MPHOSPH9: variants seen among roughly 807,000 people sequenced by gnomAD.
The protein encoded by MPHOSPH9 is M-phase phosphoprotein 9.
A neutral mutation model predicts 145.5 loss-of-function variants in MPHOSPH9; 88 were observed. The ratio of observed to expected loss-of-function variants is 0.60; its 90% CI spans 0.51 to 0.72. The LOEUF (loss-of-function observed/expected upper bound fraction) is 0.72. MPHOSPH9 is among the 30% of genes least tolerant of loss of function. The probability of loss-of-function intolerance (pLI) is 0.00; values close to 1 mark genes in which losing one functional copy is unlikely to be tolerated. For synonymous variants in MPHOSPH9, 435 were observed against 486.2 expected (o/e 0.89, Z 1.39); for missense variants, 1,238 against 1,386.6 (o/e 0.89, Z 1.70).
rs58570201 is a variant in MPHOSPH9 at position 123,199,228 on chromosome 12, C to A, written c.1938-894G>T. Among the ~76,000 whole-genome samples the A allele has an allele frequency of 6.5e-3, 983 of 152,096 alleles. 14 individuals carry two copies. Among genetic ancestry groups the A allele is most frequent in the African/African-American group, 0.022 (927 of 41,526 alleles). ...TCTCAAACTCCTGGACTCATGCGAT[C>A]CAATTTACTTTTCATATTATGACCT... On this transcript the variant is annotated intron_variant, in intron 11 of 23. Transcript: ENST00000606320.
chr12:123,162,781 G>A (rs2044162546), intron 20 of MPHOSPH9: 1 of 403,852 alleles, frequency 2.5e-6, no homozygotes, highest in East Asian at 4.0e-5. Context: ...AAGCTGACAG[G>A]GGTGCTGAGG....
chr12:123,181,976 A>C (rs185814909), intron 13 of MPHOSPH9, among the ~76,000 whole-genome samples: 2 of 150,686 alleles, frequency 1.3e-5, no homozygotes, highest in Non-Finnish European at 3.0e-5. Flanking sequence ...TTTTCTTTAG[A>C]TGGAGTCGCT....
At chr12:123,211,884 G>T (rs1429452793) in intron 7 of MPHOSPH9, among the ~76,000 whole-genome samples, 1 of 150,692 alleles carries the variant, frequency 6.6e-6, no homozygotes, top group Non-Finnish European at 1.5e-5. Context: ...GTGTAGAGAC[G>T]AAGTTTTGCT....
chr12:123,211,195 G>C (rs1184182783), intron 7 of MPHOSPH9, among the ~76,000 whole-genome samples: 2 of 152,014 alleles, frequency 1.3e-5, no homozygotes, highest in African/African-American at 4.8e-5. Context: ...ATTTTGGCTA[G>C]ACTGGTCTCG....
At chr12:123,198,599 C>T (rs781726161) in intron 11 of MPHOSPH9, among the ~76,000 whole-genome samples, 2 of 151,812 alleles carry the variant, frequency 1.3e-5, no homozygotes, top group Non-Finnish European at 2.9e-5. Flanking sequence ...CACTTGAGGC[C>T]AGGAGTTCAA....
In MPHOSPH9 at chr12:123,161,377, G is replaced by GT. The variant is rs756998270; in HGVS notation, c.3139dup (p.Thr1047AsnfsTer4). ...GTTATCGGTGGCTTTCTCAGAATAA[G>GT]TTTTTTCTGTCAGAGAGGAGAGAAA... On this transcript the variant is annotated frameshift_variant, in exon 22 of 24. Coordinates refer to ENST00000606320, the MANE Select transcript of MPHOSPH9 (RefSeq NM_022782.4). LOFTEE classifies it high-confidence loss of function. 3 of 1,613,708 alleles carry GT rather than the reference G, an allele frequency of 1.9e-6. No homozygotes were observed. Among genetic ancestry groups the GT allele is most frequent in the South Asian group, 1.1e-5 (1 of 91,022 alleles).
At chr12:123,169,071 G>T (rs373772803) in intron 16 of MPHOSPH9, among the ~76,000 whole-genome samples, 3 of 151,220 alleles carry the variant, frequency 2.0e-5, no homozygotes, top group Admixed American at 6.6e-5. Flanking sequence ...TTTTTAGTAG[G>T]GATGGGGTTT....
At chr12:123,162,018 A>C in intron 21 of MPHOSPH9, 97 bp downstream of exon 21, 1 of 691,556 alleles carries the variant, frequency 1.4e-6, no homozygotes, top group Non-Finnish European at 2.2e-6. Flanking sequence ...AAAATATTTA[A>C]GTGCAAGATA....
chr12:123,201,243 G>GT (rs386378027), intron 11 of MPHOSPH9, among the ~76,000 whole-genome samples: 1 of 151,948 alleles, frequency 6.6e-6, no homozygotes, highest in Admixed American at 6.6e-5. Context: ...GTTTTGTTTT[G>GT]TTTTTTTGAA....
intron 16 of MPHOSPH9, among the ~76,000 whole-genome samples, chr12:123,172,251 G>A (rs774068881): frequency 4.6e-5 from 7 of 152,236 alleles, no homozygotes; most frequent in South Asian, 2.1e-4. Context: ...AAAAGCTGCC[G>A]TAGATGCTAT....
chr12:123,179,639 G>A (rs1050580223), intron 15 of MPHOSPH9, among the ~76,000 whole-genome samples: 18 of 150,982 alleles, frequency 1.2e-4, no homozygotes, highest in African/African-American at 3.2e-4. Context: ...CAACTATTCA[G>A]GAAGCCAAGG....
At chr12:123,234,205 T>C (rs1261881937), upstream of MPHOSPH9, among the ~76,000 whole-genome samples, 1 of 152,138 alleles carries the variant, frequency 6.6e-6, no homozygotes, top group Non-Finnish European at 1.5e-5. Context: ...CTTTAAGGTC[T>C]TTCCAGCTAC....
intron 5 of MPHOSPH9, among the ~76,000 whole-genome samples, chr12:123,219,315 C>G (rs986103148): frequency 4.6e-5 from 7 of 151,778 alleles, no homozygotes; most frequent in South Asian, 2.1e-4. Context: ...CTAACAGTGA[C>G]AGGCCTGGCG....
chr12:123,178,073 G>C (rs908167411), intron 15 of MPHOSPH9, among the ~76,000 whole-genome samples: 1 of 152,084 alleles, frequency 6.6e-6, no homozygotes, highest in Non-Finnish European at 1.5e-5. Context: ...ATGAGGTCTC[G>C]CTCGGTCACC....
rs967302248 is a variant in MPHOSPH9, at chr12:123,159,380, G to C, written c.3450+1401C>G. Among the ~76,000 whole-genome samples the C allele has an allele frequency of 3.3e-5, 5 of 152,058 alleles. No homozygotes were observed. The highest frequency in any genetic ancestry group is 6.6e-5 in the Admixed American group (1 of 15,264). Reference sequence around the variant, plus strand: ...GGGTTTTGCCATGTTGGCCAGGCTGGTCTTGAACTCCTGACCTCGTGATCC... The same window carrying C: ...GGGTTTTGCCATGTTGGCCAGGCTGCTCTTGAACTCCTGACCTCGTGATCC... On this transcript the variant is annotated intron_variant, in intron 23 of 23. Coordinates refer to ENST00000606320, the MANE Select transcript of MPHOSPH9 (RefSeq NM_022782.4). This position sits in a 1 kb window ranked among gnomAD's most constrained non-coding sequence, Gnocchi z 4.3.
intron 13 of MPHOSPH9, among the ~76,000 whole-genome samples, chr12:123,182,410 T>G (rs963780530): frequency 6.6e-6 from 1 of 151,326 alleles, no homozygotes; most frequent in Non-Finnish European, 1.5e-5. Flanking sequence ...TATGCCACCA[T>G]GCTCAGCTAA....
intron 6 of MPHOSPH9, 98 bp downstream of exon 6, chr12:123,218,278 T>TACAAAAGAA: frequency 6.7e-7 from 1 of 1,494,314 alleles, no homozygotes; most frequent in Non-Finnish European, 9.0e-7. Context: ...AAATTAACAA[T>TACAAAAGAA]ACAAAAGAAA....
intron 3 of MPHOSPH9, among the ~76,000 whole-genome samples, chr12:123,226,849 C>T (rs1470321873): frequency 6.6e-6 from 1 of 152,094 alleles, no homozygotes; most frequent in Non-Finnish European, 1.5e-5. Flanking sequence ...CTTGCCCAGG[C>T]TAGTCTCAAA....
intron 6 of MPHOSPH9, among the ~76,000 whole-genome samples, chr12:123,215,326 G>C (rs948327221): frequency 6.1e-5 from 9 of 147,756 alleles, no homozygotes; most frequent in African/African-American, 2.2e-4. Context: ...TTTTTTTTTT[G>C]CCTGTGTAAT....
Sources: allele counts gnomAD v4.1 joint callset (sites outside exome capture counted in the v4.1 genomes callset), GRCh38; gene constraint gnomAD v4.1.1; non-coding constraint Gnocchi (gnomAD v3.1); transcripts MANE v1.5; gene names NCBI Gene and HGNC (gene_info 2026-07-23, HGNC 2026-07-21).